Variants in PCGF5 observed in about 807,000 individuals in gnomAD.
The protein encoded by PCGF5 is polycomb group RING finger protein 5.
In PCGF5, 9 loss-of-function variants were observed where a neutral mutation model predicts 44.3. That is an observed-to-expected ratio of 0.20 (90% CI 0.12 to 0.35). PCGF5 has a LOEUF of 0.35. Ranked by LOEUF, PCGF5 falls within the 10% of genes least tolerant of loss-of-function variation. The probability of loss-of-function intolerance (pLI) is 1.00; values close to 1 mark genes in which losing one functional copy is unlikely to be tolerated. For synonymous variants in PCGF5, 95 were observed against 102.5 expected (o/e 0.93, Z 0.44); for missense variants, 146 against 305.3 (o/e 0.48, Z 3.89).
chr10:91,267,067 GCCCCCATACAGTCTTCCCCAGATACT>G (rs1846064441), intron 8 of PCGF5, among the ~76,000 whole-genome samples: 3 of 151,948 alleles, frequency 2.0e-5, no homozygotes, highest in Admixed American at 2.0e-4. Flanking sequence ...TACATATGTG[GCCCCCATACAGTCTTCCCCAGATACT>G]CTGTCTCCTC....
chr10:91,244,974 C>G (rs925417668), intron 3 of PCGF5, among the ~76,000 whole-genome samples: 4 of 152,058 alleles, frequency 2.6e-5, no homozygotes, highest in African/African-American at 9.7e-5. Flanking sequence ...GAGGTCTGGG[C>G]TGGAGAAAAA....
At chr10:91,272,222 T>C (rs527445134) in intron 9 of PCGF5, among the ~76,000 whole-genome samples, 4 of 152,338 alleles carry the variant, frequency 2.6e-5, no homozygotes, top group African/African-American at 9.6e-5. Context: ...CTGAGGAAAG[T>C]TTATCTGATA....
chr10:91,164,757 G>A (rs1203709064), intron 1 of PCGF5, among the ~76,000 whole-genome samples: 2 of 152,122 alleles, frequency 1.3e-5, no homozygotes, highest in African/African-American at 4.8e-5. Context: ...CACCTCAAAC[G>A]GCATCTACTC....
At chr10:91,186,787 T>G (rs542507160) in intron 1 of PCGF5, among the ~76,000 whole-genome samples, 8 of 152,154 alleles carry the variant, frequency 5.3e-5, no homozygotes, top group Middle Eastern at 3.2e-3. Context: ...TAACATTCTT[T>G]CCACGTATAG....
upstream of PCGF5, among the ~76,000 whole-genome samples, chr10:91,218,605 C>T (rs1423381210): frequency 1.3e-5 from 2 of 152,110 alleles, no homozygotes; most frequent in African/African-American, 2.4e-5. Flanking sequence ...ACAACACTCC[C>T]TCTTACCATT....
At chr10:91,234,051 C>G (rs1455679463) in intron 2 of PCGF5, among the ~76,000 whole-genome samples, 1 of 152,188 alleles carries the variant, frequency 6.6e-6, no homozygotes, top group Non-Finnish European at 1.5e-5. Flanking sequence ...CTGGGAAGCT[C>G]ACTCTCTGTG....
chr10:91,247,012 T>C (rs1010750489), intron 3 of PCGF5, among the ~76,000 whole-genome samples: 2 of 123,174 alleles, frequency 1.6e-5, no homozygotes, highest in Admixed American at 1.6e-4. Flanking sequence ...GATAGATAGA[T>C]AGATAGATAA....
upstream of PCGF5, among the ~76,000 whole-genome samples, chr10:91,219,352 T>G (rs1301962137): frequency 6.6e-6 from 1 of 152,202 alleles, no homozygotes; most frequent in Admixed American, 6.5e-5. Flanking sequence ...TAAAACATAT[T>G]TAAAATAGTT....
At chr10:91,195,008 G>A (rs1245617651) in intron 1 of PCGF5, among the ~76,000 whole-genome samples, 1 of 152,142 alleles carries the variant, frequency 6.6e-6, no homozygotes, top group Non-Finnish European at 1.5e-5. Flanking sequence ...AGTAGATGTG[G>A]TGAGAGTGTG....
Position 91,261,306 on chromosome 10 carries a change from G to A in PCGF5, c.475-20G>A, listed in dbSNP as rs751543665. On this transcript the variant is annotated intron_variant, in intron 6 of 9. Transcript: ENST00000336126. ...TTTAACTGGTAGAACATTTTAACTG[G>A]TAATCTTTATTTCCTTTAGGGTTTA... 2.7e-6 allele frequency: 4 copies of A among 1,474,944 alleles called. No homozygotes were observed. The South Asian group carries it at 4.5e-5, about 17-fold the overall frequency. The allele number at this position is 1,474,944 out of a possible 1,614,324, so 91.4% of individuals were successfully genotyped here.
intron 1 of PCGF5, among the ~76,000 whole-genome samples, chr10:91,182,268 C>T (rs1843832631): frequency 6.6e-6 from 1 of 151,972 alleles, no homozygotes; most frequent in South Asian, 2.1e-4. Context: ...GATTCAGTTT[C>T]TTCCTGGTTC....
At chr10:91,251,238 A>C in intron 5 of PCGF5, 54 bp from the exon 6 acceptor site, 2 of 1,450,972 alleles carry the variant, frequency 1.4e-6, no homozygotes, top group South Asian at 2.5e-5. Context: ...TGATTGCTTA[A>C]CTTTAAAATC....
At position 91,209,776 on chromosome 10, in the gene PCGF5, G is replaced by A. The variant is rs529190828; in HGVS notation, c.-183-12913G>A. On this transcript the variant is annotated intron_variant, in intron 1 of 9. Coordinates refer to the PCGF5 transcript ENST00000614189. ...AGACTCCGTCTCGAAGAAAAAAAAA[G>A]AAAAAAAAAAAAAAAAAAAGAAAAA... Among the ~76,000 whole-genome samples the A allele has an allele frequency of 3.7e-3, 421 of 115,160 alleles. 205 individuals are homozygous for A. Among genetic ancestry groups the A allele is most frequent in the Non-Finnish European group, 6.6e-3 (338 of 51,456 alleles). 75.5% of individuals were successfully genotyped at this position (115,160 alleles called of 152,430 possible).
At chr10:91,195,572 C>T (rs1213276059) in intron 1 of PCGF5, among the ~76,000 whole-genome samples, 1 of 151,426 alleles carries the variant, frequency 6.6e-6, no homozygotes, top group Non-Finnish European at 1.5e-5. Context: ...GCAGCCTTGG[C>T]CTCCTGGCCT....
At chr10:91,175,289 G>A (rs7908601) in intron 1 of PCGF5, among the ~76,000 whole-genome samples, 141,020 of 152,252 alleles carry the variant, frequency 0.93, 65,403 homozygotes, top group African/African-American at 0.97. Flanking sequence ...TACAATGATC[G>A]ACTGAAAAAG....
At chr10:91,183,452 T>A (rs1282043644) in intron 1 of PCGF5, among the ~76,000 whole-genome samples, 1 of 152,092 alleles carries the variant, frequency 6.6e-6, no homozygotes, top group East Asian at 1.9e-4. Context: ...TTTGAGTCTA[T>A]GTGTGTCTCT....
At chr10:91,220,637 C>CT (rs1319097413), upstream of PCGF5, 3 of 151,176 alleles carry the variant, frequency 2.0e-5, no homozygotes, top group East Asian at 3.9e-4. Context: ...GGCACCGGAC[C>CT]TGGGCCCCGA....
At chr10:91,191,013 G>A (rs928199373) in intron 1 of PCGF5, among the ~76,000 whole-genome samples, 1 of 152,136 alleles carries the variant, frequency 6.6e-6, no homozygotes, top group African/African-American at 2.4e-5. Context: ...TCCTTACGCT[G>A]ACAGTTACAG....
intron 3 of PCGF5, among the ~76,000 whole-genome samples, chr10:91,241,508 G>A (rs1845326681): frequency 6.6e-6 from 1 of 152,056 alleles, no homozygotes; most frequent in African/African-American, 2.4e-5. Context: ...CCCAGCTACA[G>A]GCCGTATGTC....
Sources: gnomAD v4.1 joint callset for allele counts (sites outside exome capture counted in the v4.1 genomes callset) on GRCh38, gnomAD v4.1.1 for gene constraint, MANE v1.5 for transcripts, NCBI Gene and HGNC (gene_info 2026-07-23, HGNC 2026-07-21) for gene names.